MYO5B: variants seen among roughly 807,000 people sequenced by gnomAD.
The protein encoded by MYO5B is myosin VB.
Under a neutral mutation model 229.3 loss-of-function variants are expected in MYO5B, and 143 were observed. The observed-to-expected ratio is 0.62, with a 90% confidence interval of 0.54 to 0.72. MYO5B has a LOEUF of 0.72. MYO5B is among the 30% of genes least tolerant of loss of function. The pLI, the probability that MYO5B is intolerant of heterozygous loss-of-function variation, is 0.00. For missense variants in MYO5B, 2,321 were observed against 2,331.0 expected, an observed-to-expected ratio of 1.00 and a Z score of 0.09; for synonymous variants, 918 against 885.2, an observed-to-expected ratio of 1.04 and a Z score of -0.66.
intron 14 of MYO5B, among the ~76,000 whole-genome samples, chr18:49,942,853 T>A (rs911785790): frequency 1.1e-4 from 17 of 152,268 alleles, no homozygotes; most frequent in South Asian, 4.1e-4. Flanking sequence ...GACACGGCCA[T>A]CACATTACTG....
In MYO5B at chr18:49,954,492, G is replaced by T. The variant is rs112022067; in HGVS notation, c.1546-57C>A. 239 of 1,610,596 alleles carry T rather than the reference G, an allele frequency of 1.5e-4. No individual in the cohort carries two copies. In the African/African-American group the frequency reaches 2.7e-3, roughly 18 times the overall value. On this transcript the variant is annotated intron_variant, in intron 12 of 39. Coordinates refer to ENST00000285039, the MANE Select transcript of MYO5B (RefSeq NM_001080467.3). ...TGTGAAGAGGAAGAAGGAAGCCCTG[G>T]GTTGCAGCAGAGGGATGGGACCAGT...
intron 1 of MYO5B, among the ~76,000 whole-genome samples, chr18:50,091,552 T>A (rs374873310): frequency 1.3e-5 from 2 of 152,180 alleles, no homozygotes; most frequent in Non-Finnish European, 2.9e-5. Context: ...CTAACGGATG[T>A]ATGTACAACA....
chr18:50,068,062 CA>C (rs766283082), intron 1 of MYO5B, among the ~76,000 whole-genome samples: 1 of 151,476 alleles, frequency 6.6e-6, no homozygotes, highest in Non-Finnish European at 1.5e-5. Context: ...CACACACACA[CA>C]ACACTTTTAG....
In MYO5B at chr18:49,955,178, G is replaced by C. The variant is rs188443606; in HGVS notation, c.1546-743C>G. On this transcript the variant is annotated intron_variant, in intron 12 of 39. Coordinates refer to ENST00000285039, the MANE Select transcript of MYO5B (RefSeq NM_001080467.3). ...AGTGTTCTACATGGTGCTAATCTCT[G>C]CATCTCTCACTGTCTAAAGTCAGAC... Among the ~76,000 whole-genome samples the C allele has an allele frequency of 7.4e-4, 113 of 152,302 alleles. 2 individuals carry two copies. Among genetic ancestry groups the C allele is most frequent in the African/African-American group, 2.0e-3 (82 of 41,552 alleles).
intron 22 of MYO5B, among the ~76,000 whole-genome samples, chr18:49,887,437 C>G (rs959222692): frequency 6.6e-6 from 1 of 152,016 alleles, no homozygotes; most frequent in African/African-American, 2.4e-5. Context: ...CTAGCGTGAA[C>G]TCAGTGAGGG....
At chr18:50,141,398 C>T (rs1265642588) in intron 1 of MYO5B, among the ~76,000 whole-genome samples, 4 of 152,216 alleles carry the variant, frequency 2.6e-5, no homozygotes, top group Non-Finnish European at 4.4e-5. Flanking sequence ...CAGCACACTG[C>T]CTATGGGGTA....
rs190554115 is a variant in MYO5B, at chr18:49,968,666, C to T, written c.1323-5636G>A. On this transcript the variant is annotated intron_variant, in intron 10 of 39. Coordinates refer to ENST00000285039, the MANE Select transcript of MYO5B (RefSeq NM_001080467.3). ...AAAACTTGTTTAATCTTAAACGGGT[C>T]CTGTTAAGAATTCATTCCTTATTTT... Among the ~76,000 whole-genome samples the T allele has an allele frequency of 5.9e-5, 9 of 151,986 alleles. No individual in the cohort carries two copies. In the East Asian group the frequency reaches 1.5e-3, roughly 26 times the overall value.
intron 1 of MYO5B, among the ~76,000 whole-genome samples, chr18:50,132,305 A>G (rs560854343): frequency 2.1e-4 from 32 of 152,356 alleles, no homozygotes; most frequent in African/African-American, 7.5e-4. Context: ...ATCTTGGTGC[A>G]GCTACTTCTT....
intron 33 of MYO5B, among the ~76,000 whole-genome samples, chr18:49,844,091 A>G (rs1174867100): frequency 2.0e-5 from 3 of 152,188 alleles, no homozygotes. Flanking sequence ...CTGCCTGGGC[A>G]AGGGCTGCTC....
rs2023841994 is a variant in MYO5B at position 49,826,203 on chromosome 18, G to A, written c.*268C>T. ...CACCTTTTATATGTCTATGGGGACT[G>A]CTTGGTGTCTATAAATTATGTATAT... On this transcript the variant is annotated 3_prime_UTR_variant, in exon 40 of 40. Transcript: ENST00000285039. The A allele has an allele frequency of 4.4e-6, 2 of 452,110 alleles. No individual in the cohort carries two copies. Among genetic ancestry groups the A allele is most frequent in the Non-Finnish European group, 8.2e-6 (2 of 245,010 alleles). 28.0% of individuals were successfully genotyped at this position (452,110 alleles called of 1,614,324 possible).
At chr18:49,976,605 T>C (rs1369637424) in intron 9 of MYO5B, among the ~76,000 whole-genome samples, 1 of 152,246 alleles carries the variant, frequency 6.6e-6, no homozygotes, top group Non-Finnish European at 1.5e-5. Context: ...TGCATTCTAA[T>C]CCGATGTCCC....
intron 1 of MYO5B, among the ~76,000 whole-genome samples, chr18:50,156,406 T>C (rs574473200): frequency 6.6e-6 from 1 of 152,156 alleles, no homozygotes; most frequent in African/African-American, 2.4e-5. Flanking sequence ...CCCCATTCTG[T>C]TTTTCTGATA....
intron 7 of MYO5B, among the ~76,000 whole-genome samples, chr18:49,988,999 A>G (rs891085355): frequency 4.6e-5 from 7 of 152,132 alleles, no homozygotes; most frequent in African/African-American, 1.7e-4. Flanking sequence ...CCCAATTTAA[A>G]TATTACTTCC....
At chr18:49,965,441 A>G (rs570063801) in intron 10 of MYO5B, among the ~76,000 whole-genome samples, 9 of 136,146 alleles carry the variant, frequency 6.6e-5, no homozygotes, top group Non-Finnish European at 1.2e-4. Context: ...CTTTTCATAC[A>G]AACACACTTC....
At chr18:50,033,635 T>A (rs2026415111) in intron 4 of MYO5B, among the ~76,000 whole-genome samples, 2 of 152,144 alleles carry the variant, frequency 1.3e-5, no homozygotes, top group Admixed American at 1.3e-4. Flanking sequence ...GAGTGGGCCT[T>A]CTGGGTCTCA....
chr18:50,052,844 A>C (rs1205081961), intron 2 of MYO5B, among the ~76,000 whole-genome samples: 1 of 152,162 alleles, frequency 6.6e-6, no homozygotes, highest in African/African-American at 2.4e-5. Flanking sequence ...TCAAGAGGGG[A>C]CAAGTTAGCA....
chr18:49,967,774 A>T (rs1180933246), intron 10 of MYO5B, among the ~76,000 whole-genome samples: 2 of 151,958 alleles, frequency 1.3e-5, no homozygotes, highest in Non-Finnish European at 2.9e-5. Context: ...TTACTGAACA[A>T]CCTCGGGATG....
At chr18:49,944,788 CCTGT>C (rs1036554269) in intron 14 of MYO5B, among the ~76,000 whole-genome samples, 2 of 152,124 alleles carry the variant, frequency 1.3e-5, no homozygotes, top group East Asian at 3.9e-4. Context: ...CCCTGTTCAG[CCTGT>C]CTCTCTTCTC....
intron 1 of MYO5B, among the ~76,000 whole-genome samples, chr18:50,068,626 T>C (rs1031953174): frequency 6.6e-6 from 1 of 152,230 alleles, no homozygotes; most frequent in African/African-American, 2.4e-5. Context: ...ACATTTATTC[T>C]TTCCAGGATG....
Sources: allele counts gnomAD v4.1 joint callset (sites outside exome capture counted in the v4.1 genomes callset), GRCh38; gene constraint gnomAD v4.1.1; transcripts MANE v1.5; gene names NCBI Gene and HGNC (gene_info 2026-07-23, HGNC 2026-07-21).